TAF4: variants seen among roughly 807,000 people sequenced by gnomAD.
TAF4 encodes the protein TATA-box binding protein associated factor 4.
Under a neutral mutation model 90.3 loss-of-function variants are expected in TAF4, and 9 were observed. That is an observed-to-expected ratio of 0.10 (90% CI 0.06 to 0.17). The LOEUF (loss-of-function observed/expected upper bound fraction) is 0.17. TAF4 is among the 10% of genes least tolerant of loss of function. The probability of loss-of-function intolerance (pLI) is 1.00; values close to 1 mark genes in which losing one functional copy is unlikely to be tolerated. For missense variants in TAF4, 1,351 were observed against 1,370.7 expected (o/e 0.99, Z 0.23); for synonymous variants, 818 against 638.9 (o/e 1.28, Z -4.23).
At chr20:62,052,025 GA>G (rs1372358746) in intron 1 of TAF4, among the ~76,000 whole-genome samples, 1 of 152,166 alleles carries the variant, frequency 6.6e-6, no homozygotes, top group Non-Finnish European at 1.5e-5. Context: ...ACAAGGAAGA[GA>G]GATGACAGGA....
At chr20:62,059,147 G>T (rs1315698663) in intron 1 of TAF4, among the ~76,000 whole-genome samples, 1 of 152,202 alleles carries the variant, frequency 6.6e-6, no homozygotes. Flanking sequence ...AGAAGCTGGG[G>T]GCACTTCACT....
At chr20:62,043,435 C>T (rs1483048718) in intron 1 of TAF4, among the ~76,000 whole-genome samples, 3 of 152,180 alleles carry the variant, frequency 2.0e-5, no homozygotes, top group Non-Finnish European at 4.4e-5. Flanking sequence ...TATAGTAAGT[C>T]AAGGTTATTA....
chr20:62,006,438 AATTTATC>A lies in TAF4; in HGVS notation c.2223+65_2223+71del. 1 of 1,332,004 alleles carries A rather than the reference AATTTATC, an allele frequency of 7.5e-7. No homozygotes were observed. The highest frequency in any genetic ancestry group is 9.6e-7 in the Non-Finnish European group (1 of 1,038,848). The allele number at this position is 1,332,004 out of a possible 1,614,324, so 82.5% of individuals were successfully genotyped here. On this transcript the variant is annotated intron_variant, in intron 7 of 14. Transcript: ENST00000252996. This position sits in a 1 kb window ranked among gnomAD's most constrained non-coding sequence, Gnocchi z 7.0. The stretch of plus-strand genomic sequence containing the variant: ...TGGAAAAGGTTTCTGAGCCGTGGCC[AATTTATC>A]TAAGAAGCGGGCGGGAGCAGAGGCA...
In TAF4 at chr20:62,000,201, G is replaced by A; in HGVS notation, c.2710C>T (p.His904Tyr). ...LHPDVVSYVS[H>Y]ATQQRLQNLV... ...TTCTGTAGCCTTTGTTGCGTGGCAT[G>A]TGATACATAACTTACTACATCTGGA... Residue 904 changes from histidine to tyrosine, a missense_variant, in exon 11 of 15, where the codon CAT (histidine) becomes TAT (tyrosine). By Grantham distance (83) the His-to-Tyr change is moderately conservative. Transcript: ENST00000252996. The A allele has an allele frequency of 6.2e-7, 1 of 1,614,242 alleles. No homozygotes were observed. Among genetic ancestry groups the A allele is most frequent in the Non-Finnish European group, 8.5e-7 (1 of 1,180,032 alleles).
chr20:61,979,644 G>A (rs1421827133), intron 14 of TAF4, among the ~76,000 whole-genome samples: 3 of 142,746 alleles, frequency 2.1e-5, no homozygotes, highest in Non-Finnish European at 4.6e-5. Context: ...ACTGCGGCCC[G>A]TGCAGGCGCC....
intron 1 of TAF4, among the ~76,000 whole-genome samples, chr20:62,018,491 G>A (rs1043247498): frequency 5.3e-5 from 8 of 152,246 alleles, no homozygotes; most frequent in Non-Finnish European, 7.3e-5. Flanking sequence ...CCTGACCTAC[G>A]AAAGGCAGCC....
intron 14 of TAF4, among the ~76,000 whole-genome samples, chr20:61,978,627 G>A (rs1488407071): frequency 2.0e-5 from 3 of 149,312 alleles, no homozygotes; most frequent in Admixed American, 2.0e-4. Flanking sequence ...CCAAGGCCGG[G>A]GGCAAGACGA....
chr20:62,052,388 C>G (rs1321262417), intron 1 of TAF4, among the ~76,000 whole-genome samples: 1 of 152,144 alleles, frequency 6.6e-6, no homozygotes, highest in Admixed American at 6.5e-5. Flanking sequence ...CCCCTCACCA[C>G]AGTCAGTGAC....
chr20:62,031,878 C>T (rs762267158), intron 1 of TAF4, among the ~76,000 whole-genome samples: 7 of 152,138 alleles, frequency 4.6e-5, no homozygotes, highest in Non-Finnish European at 1.0e-4. Flanking sequence ...TGGAACAGCC[C>T]GGGAAGAGGG....
intron 13 of TAF4, 122 bp downstream of exon 13, chr20:61,998,013 AT>A: frequency 1.1e-6 from 1 of 947,482 alleles, no homozygotes; most frequent in Non-Finnish European, 1.6e-6. Flanking sequence ...CTTGGCAAAC[AT>A]TTTAAACAGA....
chr20:62,022,085 A>G (rs993078413), intron 1 of TAF4, among the ~76,000 whole-genome samples: 36 of 151,666 alleles, frequency 2.4e-4, no homozygotes, highest in South Asian at 4.2e-4. Context: ...GGGGACACAA[A>G]TCTAAGAAAA....
intron 7 of TAF4, chr20:62,004,950 C>T (rs987354658): frequency 2.0e-5 from 3 of 152,312 alleles, no homozygotes; most frequent in Admixed American, 2.0e-4. Flanking sequence ...TGCTCAAGTC[C>T]ATAAGGCCTG....
At chr20:62,057,097 C>T (rs945246291) in intron 1 of TAF4, among the ~76,000 whole-genome samples, 2 of 152,202 alleles carry the variant, frequency 1.3e-5, no homozygotes, top group Non-Finnish European at 2.9e-5. Context: ...GTCATTGTCC[C>T]ACACACTTTA....
At chr20:62,024,219 G>C (rs1025568037) in intron 1 of TAF4, among the ~76,000 whole-genome samples, 3 of 152,138 alleles carry the variant, frequency 2.0e-5, no homozygotes, top group South Asian at 2.1e-4. Context: ...TCACATGCTG[G>C]AACAACTGGA....
At chr20:61,999,826 G>C (rs569938601) in intron 11 of TAF4, among the ~76,000 whole-genome samples, 24 of 152,334 alleles carry the variant, frequency 1.6e-4, no homozygotes, top group African/African-American at 5.3e-4. Flanking sequence ...GTGTGCGCCT[G>C]TAATCCCAGC....
In TAF4 at chr20:62,064,608, G is replaced by C; in HGVS notation, c.1203C>G (p.Pro401=). ...GGGTCACTGCGCCGGCCGCGCCTTT[G>C]GGCAGCCCGGTGGGGGTCCCGGGGG... ...PPAPGTPTGL[P]KGAAGAVTQS... is the part of the protein sequence containing the mutation. Residue 401 remains proline, a synonymous_variant, in exon 1 of 15, where the codon CCC becomes CCG. Transcript: ENST00000252996. 3.5e-6 allele frequency: 5 copies of C among 1,436,358 alleles called. No homozygotes were observed. Among genetic ancestry groups the C allele is most frequent in the Middle Eastern group, 2.2e-4 (1 of 4,568 alleles). 89.0% of individuals were successfully genotyped at this position (1,436,358 alleles called of 1,614,324 possible). A position where few individuals can be genotyped will look rare whatever the true frequency, so the allele number is the denominator to read the frequency against.
chr20:62,057,671 C>T (rs2056072625), intron 1 of TAF4, among the ~76,000 whole-genome samples: 1 of 105,186 alleles, frequency 9.5e-6, no homozygotes, highest in Non-Finnish European at 2.0e-5. Flanking sequence ...GCTCGGGGGG[C>T]CAACCTCAGC....
intron 1 of TAF4, among the ~76,000 whole-genome samples, chr20:62,025,479 CCCCACGTGTGGAGGGAGGGAAG>C (rs1304778588): frequency 6.6e-6 from 1 of 152,198 alleles, no homozygotes; most frequent in East Asian, 1.9e-4. Context: ...CAACTGTAAT[CCCCACGTGTGGAGGGAGGGAAG>C]TGACTGGATC....
chr20:62,065,610 C>G lies in TAF4; in HGVS notation c.201G>C (p.Pro67=). 6.0e-6 allele frequency: 6 copies of G among 1,001,180 alleles called. No homozygotes were observed. The highest frequency in any genetic ancestry group is 7.1e-6 in the Non-Finnish European group (6 of 842,566). 62.0% of individuals were successfully genotyped at this position (1,001,180 alleles called of 1,614,324 possible). A position where few individuals can be genotyped will look rare whatever the true frequency, so the allele number is the denominator to read the frequency against. Residue 67 remains proline, a synonymous_variant, in exon 1 of 15, where the codon CCG becomes CCC. Transcript: ENST00000252996. ...CCGGCCCTGCGCCCGCGGCTCCGGC[C>G]GGGCTGCCGCTCACAACATGGTTCC... The part of the protein sequence containing the change: ...ALGNHVVSGS[P]AGAAGAGPAA...
Sources: allele counts gnomAD v4.1 joint callset (sites outside exome capture counted in the v4.1 genomes callset), GRCh38; gene constraint gnomAD v4.1.1; non-coding constraint Gnocchi (gnomAD v3.1); transcripts MANE v1.5; gene names NCBI Gene and HGNC (gene_info 2026-07-23, HGNC 2026-07-21).